The following TNS2 variants were observed in gnomAD, a reference collection of about 807,000 sequenced individuals.
The protein encoded by TNS2 is tensin 2.
Under a neutral mutation model 155.7 loss-of-function variants are expected in TNS2, and 77 were observed. The ratio of observed to expected loss-of-function variants is 0.49; its 90% CI spans 0.41 to 0.60. The LOEUF (loss-of-function observed/expected upper bound fraction) is 0.60. TNS2 is among the 20% of genes least tolerant of loss of function. The pLI is 0.00. For missense variants in TNS2, 1,703 were observed against 1,868.8 expected (o/e 0.91, Z 1.64); for synonymous variants, 726 against 763.9 (o/e 0.95, Z 0.82).
At position 53,050,546 on chromosome 12, in the gene TNS2, A is replaced by C. The variant is rs1017520675; in HGVS notation, c.75+286A>C. The stretch of plus-strand genomic sequence containing the variant: ...ACATAAGCCCCAGGTGCCTCACTGC[A>C]GGACTTTGCCATGCGCTATCCAGGT... On this transcript the variant is annotated intron_variant, in intron 1 of 28. Transcript: ENST00000314250. The surrounding 1 kb of genome is among the most constrained non-coding windows in gnomAD (Gnocchi z 4.7). Among the ~76,000 whole-genome samples the C allele has an allele frequency of 1.3e-5, 2 of 152,016 alleles. No homozygotes were observed. Among genetic ancestry groups the C allele is most frequent in the African/African-American group, 4.8e-5 (2 of 41,376 alleles).
chr12:53,057,435 T>G, intron 11 of TNS2, 132 bp from the exon 12 acceptor site: 1 of 776,698 alleles, frequency 1.3e-6, no homozygotes, highest in Non-Finnish European at 2.1e-6. Context: ...AGGAAGAACT[T>G]TCTGGTGACC....
chr12:53,052,411 C>T, intron 2 of TNS2, 44 bp from the exon 3 acceptor site: 2 of 1,612,760 alleles, frequency 1.2e-6, no homozygotes, highest in Middle Eastern at 1.7e-4. Flanking sequence ...TTCCACTGTC[C>T]CACAGGCCCC....
intron 1 of TNS2, among the ~76,000 whole-genome samples, chr12:53,051,155 G>A (rs913424106): frequency 5.3e-5 from 8 of 152,288 alleles, no homozygotes; most frequent in African/African-American, 9.6e-5. Flanking sequence ...CATTCAATGC[G>A]TGAATCCCAA....
Position 53,050,344 on chromosome 12 carries a change from C to G in TNS2, c.75+84C>G. On this transcript the variant is annotated intron_variant, in intron 1 of 28. Transcript: ENST00000314250. This position sits in a 1 kb window ranked among gnomAD's most constrained non-coding sequence, Gnocchi z 4.7. ...GGAGGGGACCAGGAATCAGGCCAGG[C>G]CTTCTTCCCAATTTCAGCTTCCTCA... The G allele has an allele frequency of 2.8e-6, 4 of 1,427,916 alleles. No individual in the cohort carries two copies. The highest frequency in any genetic ancestry group is 3.8e-6 in the Non-Finnish European group (4 of 1,065,166). 88.5% of individuals were successfully genotyped at this position (1,427,916 alleles called of 1,614,324 possible).
rs552140320 is a variant in TNS2 at position 53,058,832 on chromosome 12, G to A, written c.1405+5G>A. On this transcript the variant is annotated splice_donor_5th_base_variant and intron_variant, in intron 17 of 28. Transcript: ENST00000314250. ...ACCACGAGGACAGTGTGGATGGTGC[G>A]CAGGCAGCCTGCAGGGTGGGAGGTA... 16 of 1,612,618 alleles carry A rather than the reference G, an allele frequency of 9.9e-6. No homozygotes were observed. The highest frequency in any genetic ancestry group is 1.7e-4 in the Middle Eastern group (1 of 6,060).
upstream of TNS2, chr12:53,049,970 CAT>C: frequency 8.2e-7 from 1 of 1,221,710 alleles, no homozygotes; most frequent in Non-Finnish European, 1.1e-6. Flanking sequence ...GCCTCCCCCA[CAT>C]CCTCCCCCCT....
chr12:53,060,714 C>T lies in TNS2; in HGVS notation c.2808C>T (p.Pro936=). ...RQDTRSPTSA[P]TQRLSPGEAL... ...ACACCAGGTCCCCCACCTCAGCGCC[C>T]ACTCAGAGACTGAGTCCTGGCGAGG... Residue 936 remains proline, a synonymous_variant, in exon 20 of 29, where the codon CCC becomes CCT. Transcript: ENST00000314250. This position sits in a 1 kb window ranked among gnomAD's most constrained non-coding sequence, Gnocchi z 6.1. 1.3e-6 allele frequency: 2 copies of T among 1,594,206 alleles called. No homozygotes were observed. The highest frequency in any genetic ancestry group is 1.7e-6 in the Non-Finnish European group (2 of 1,167,232).
chr12:53,055,124 C>T (rs2121100043), intron 7 of TNS2, 62 bp from the exon 8 acceptor site: 3 of 1,570,486 alleles, frequency 1.9e-6, no homozygotes, highest in East Asian at 4.5e-5. Context: ...TAGGATCCAC[C>T]TCCACCTCGT....
In TNS2 at chr12:53,063,021, G is replaced by A; in HGVS notation, c.3824-68G>A. ...CATGTGACAGCAGTAGCTGGGGAATGTGCAAGAGCTGGTGGGGGTGGCTAG... is the reference window on the plus strand; with the variant it reads ...CATGTGACAGCAGTAGCTGGGGAATATGCAAGAGCTGGTGGGGGTGGCTAG... On this transcript the variant is annotated intron_variant, in intron 25 of 28. Transcript: ENST00000314250. This position sits in a 1 kb window ranked among gnomAD's most constrained non-coding sequence, Gnocchi z 5.6. 1 of 1,494,688 alleles carries A rather than the reference G, an allele frequency of 6.7e-7. No homozygotes were observed. The allele number at this position is 1,494,688 out of a possible 1,614,324, so 92.6% of individuals were successfully genotyped here.
rs185114612 is a variant in TNS2 at position 53,057,877 on chromosome 12, C to T, written c.1019+44C>T. On this transcript the variant is annotated intron_variant, in intron 13 of 28. Transcript: ENST00000314250. ...GGCCCCTGACACTTCATGACCAGGG[C>T]CCCTCTTGCTCCTGCATTCCTGCTT... 1.2e-4 allele frequency: 188 copies of T among 1,612,654 alleles called. No homozygotes were observed. In the East Asian group the frequency reaches 3.7e-3, roughly 32 times the overall value.
At position 53,059,926 on chromosome 12, in the gene TNS2, A is replaced by T; in HGVS notation, c.2285A>T (p.Glu762Val). The T allele has an allele frequency of 6.2e-7, 1 of 1,611,162 alleles. No homozygotes were observed. The highest frequency in any genetic ancestry group is 8.5e-7 in the Non-Finnish European group (1 of 1,178,530). Residue 762 changes from glutamate to valine, a missense_variant, in exon 18 of 29, where the codon GAG (glutamate) becomes GTG (valine). Transcript: ENST00000314250. The surrounding 1 kb of genome is among the most constrained non-coding windows in gnomAD (Gnocchi z 4.7). ...YSCLKPPKAGEEGHEGCSYTM... is the reference protein window; with the variant it reads ...YSCLKPPKAGVEGHEGCSYTM... The stretch of plus-strand genomic sequence containing the variant: ...TGCCTGAAGCCACCCAAGGCAGGCG[A>T]GGAAGGGCACGAGGGCTGCTCCTAC...
Position 53,061,059 on chromosome 12 carries a change from C to G in TNS2, c.3153C>G (p.Ser1051Arg). The change falls in exon 20 of 29, where the codon AGC becomes AGG. Residue 1051 changes from serine to arginine, a missense_variant. By Grantham distance (110) the Ser-to-Arg change is moderately radical. Coordinates refer to ENST00000314250, the MANE Select transcript of TNS2 (RefSeq NM_170754.4). The part of the protein sequence containing the change: ...WLVASPEPPQ[S>R]SPTPAFPLAA... ...TGGCCAGCCCAGAGCCGCCTCAGAG[C>G]TCACCTACACCTGCTTTCCCCCTGG... The G allele has an allele frequency of 6.2e-7, 1 of 1,613,558 alleles. No individual in the cohort carries two copies. Among genetic ancestry groups the G allele is most frequent in the African/African-American group, 1.3e-5 (1 of 75,040 alleles).
At chr12:53,049,369 G>T, upstream of TNS2, 1 of 828,982 alleles carries the variant, frequency 1.2e-6, no homozygotes. Context: ...ACAAAGCCAG[G>T]GAATGGGTGA....
chr12:53,062,664 A>G lies in TNS2; in HGVS notation c.3790A>G (p.Ser1264Gly), dbSNP rs1452967844. ...TPEAPVPTNM[S>G]TAADLLRQGA... ...AGAGGCTCCAGTGCCCACCAACATG[A>G]GCACAGCGGCAGACCTCCTGCGTCA... is the stretch of plus-strand genomic sequence containing the variant. Residue 1264 changes from serine (S) to glycine (G), a missense_variant, in exon 25 of 29, where the codon AGC becomes GGC. Ser to Gly is a moderately conservative substitution (Grantham distance 56, BLOSUM62 0). Transcript: ENST00000314250. 1 of 1,613,972 alleles carries G rather than the reference A, an allele frequency of 6.2e-7. No individual in the cohort carries two copies. Among genetic ancestry groups the G allele is most frequent in the Admixed American group, 1.7e-5 (1 of 60,012 alleles).
chr12:53,055,887 C>G (rs757671495), intron 10 of TNS2, 42 bp downstream of exon 10: 1 of 1,578,304 alleles, frequency 6.3e-7, no homozygotes, highest in East Asian at 2.2e-5. Context: ...CCCAGTGGCC[C>G]TTTCTCCAGC....
At chr12:53,053,336 T>G in intron 3 of TNS2, 75 bp from the exon 4 acceptor site, 1 of 1,569,088 alleles carries the variant, frequency 6.4e-7, no homozygotes, top group South Asian at 1.1e-5. Flanking sequence ...CTCCTGAAGC[T>G]GAGGGGCTGC....
At chr12:53,053,389 TC>T in intron 3 of TNS2, 21 bp from the exon 4 acceptor site, 1 of 1,613,900 alleles carries the variant, frequency 6.2e-7, no homozygotes, top group South Asian at 1.1e-5. Flanking sequence ...GGAGCTCAGT[TC>T]CTTACTCGGT....
At chr12:53,062,532 C>A in intron 24 of TNS2, 79 bp downstream of exon 24, 1 of 1,607,192 alleles carries the variant, frequency 6.2e-7, no homozygotes, top group Admixed American at 1.7e-5. Context: ...CTTGGCTCCC[C>A]GCCTTCCCTT....
In TNS2 at chr12:53,062,890, G is replaced by A. The variant is rs75499526; in HGVS notation, c.3823+193G>A. 1.3e-4 allele frequency: 122 copies of A among 924,598 alleles called. 2 individuals carry two copies. The East Asian group carries it at 2.6e-3, about 20-fold the overall frequency. The allele number at this position is 924,598 out of a possible 1,614,324, so 57.3% of individuals were successfully genotyped here. ...GTTCTCAAAGTCTCATGAACAAGAC[G>A]ATCATGGGGTGGTAGCAGGGAGGCT... On this transcript the variant is annotated intron_variant, in intron 25 of 28. Transcript: ENST00000314250.
Sources: gnomAD v4.1 joint callset for allele counts (sites outside exome capture counted in the v4.1 genomes callset) on GRCh38, gnomAD v4.1.1 for gene constraint, Gnocchi (gnomAD v3.1) non-coding constraint, MANE v1.5 for transcripts, NCBI Gene and HGNC (gene_info 2026-07-23, HGNC 2026-07-21) for gene names.